Variants in AKAP13 observed in about 807,000 individuals in gnomAD.
AKAP13 encodes the protein A-kinase anchoring protein 13, also known as A-kinase anchor protein 13.
AKAP13 carries 80 observed loss-of-function variants against 264.5 expected under a neutral mutation model. The ratio of observed to expected loss-of-function variants is 0.30; its 90% CI spans 0.25 to 0.36. AKAP13 has a LOEUF of 0.36. Ranked by LOEUF, AKAP13 falls within the 10% of genes least tolerant of loss-of-function variation. The probability of loss-of-function intolerance (pLI) is 1.00; values close to 1 mark genes in which losing one functional copy is unlikely to be tolerated. For synonymous variants in AKAP13, 1,380 were observed against 1,250.2 expected (o/e 1.10, Z -2.19); for missense variants, 3,712 against 3,435.2 (o/e 1.08, Z -2.01).
chr15:85,730,381 G>C (rs1334700539), intron 29 of AKAP13, 132 bp from the exon 30 acceptor site: 2 of 817,938 alleles, frequency 2.4e-6, no homozygotes, highest in African/African-American at 3.4e-5. Flanking sequence ...AAAAAGAAAA[G>C]GCAGTGTGGG....
At chr15:85,414,494 G>T (rs149554280) in intron 1 of AKAP13, among the ~76,000 whole-genome samples, 1 of 152,210 alleles carries the variant, frequency 6.6e-6, no homozygotes, top group African/African-American at 2.4e-5. Context: ...AAAAATGAGG[G>T]GTAGTGAGAT....
chr15:85,741,482 G>A lies in AKAP13; in HGVS notation c.8045G>A (p.Arg2682Gln), dbSNP rs772008595. The A allele has an allele frequency of 8.8e-6, 14 of 1,592,778 alleles. No homozygotes were observed. Among genetic ancestry groups the A allele is most frequent in the East Asian group, 2.3e-5 (1 of 44,404 alleles). The change falls in exon 35 of 37, where the codon CGG becomes CAG. Residue 2682 changes from arginine (R) to glutamine (Q), a missense_variant. Arg to Gln is a conservative substitution (Grantham distance 43, BLOSUM62 1). This residue lies in a region of AKAP13 where 611 missense variants were observed against 539.3 expected (regional missense o/e 1.13). Coordinates refer to ENST00000394518, the MANE Select transcript of AKAP13 (RefSeq NM_007200.5). ...CGGCTCAGCCAGCGGCAGACAGAAC[G>A]GGACCTGTGTCAGGTAATGGGACTC... Reference protein sequence around the residue: ...AERLSQRQTERDLCQVSHPHT... With the variant: ...AERLSQRQTEQDLCQVSHPHT...
In AKAP13 at chr15:85,748,877, C is replaced by G. The variant is rs1235590069; in HGVS notation, c.*4200C>G. ...GGCTTCTGCAGGAAGCACTCACCCC[C>G]CACACCTTCCCCGGCCTGAGCTTCC... On this transcript the variant is annotated 3_prime_UTR_variant, in exon 37 of 37. Coordinates refer to ENST00000394518, the MANE Select transcript of AKAP13 (RefSeq NM_007200.5). 2.0e-5 allele frequency: 3 copies of G among 152,512 alleles called. No homozygotes were observed. Among genetic ancestry groups the G allele is most frequent in the Non-Finnish European group, 2.9e-5 (2 of 68,250 alleles). The allele number at this position is 152,512 out of a possible 1,614,324, so 9.4% of individuals were successfully genotyped here.
chr15:85,381,285 C>T (rs759789218), intron 1 of AKAP13, among the ~76,000 whole-genome samples: 1 of 152,092 alleles, frequency 6.6e-6, no homozygotes, highest in African/African-American at 2.4e-5. Flanking sequence ...GGGAGCGGCT[C>T]CCCGGGGTCG....
chr15:85,615,892 T>A (rs780218576), intron 8 of AKAP13, among the ~76,000 whole-genome samples: 7 of 152,210 alleles, frequency 4.6e-5, no homozygotes, highest in Admixed American at 3.9e-4. Flanking sequence ...ATTTTTCCAT[T>A]CTGGAAATCT....
rs891158213 is a variant in AKAP13, at chr15:85,533,653, T to C, written c.251T>C (p.Val84Ala). 1.2e-6 allele frequency: 2 copies of C among 1,614,062 alleles called. No individual in the cohort carries two copies. The highest frequency in any genetic ancestry group is 2.7e-5 in the African/African-American group (2 of 74,936). The part of the protein sequence containing the change: ...ASKEGLPVFV[V>A]AEEDFHFVQD... ...AAAGAGGGCCTTCCCGTGTTTGTGG[T>C]GGCTGAAGAAGACTTTCATTTCGTC... Residue 84 changes from valine (V) to alanine (A), a missense_variant, in exon 4 of 37, where the codon GTG (valine) becomes GCG (alanine). Val to Ala is a moderately conservative substitution (Grantham distance 64). Coordinates refer to ENST00000394518, the MANE Select transcript of AKAP13 (RefSeq NM_007200.5).
intron 1 of AKAP13, among the ~76,000 whole-genome samples, chr15:85,449,857 G>A (rs1254172124): frequency 6.6e-6 from 1 of 152,140 alleles, no homozygotes; most frequent in Non-Finnish European, 1.5e-5. Flanking sequence ...TATTCATCAA[G>A]GATATTGGCC....
At chr15:85,468,934 A>ATTTTT (rs1555432706) in intron 1 of AKAP13, among the ~76,000 whole-genome samples, 8 of 96,124 alleles carry the variant, frequency 8.3e-5, no homozygotes, top group Non-Finnish European at 1.6e-4. Flanking sequence ...TTTTTTTTTA[A>ATTTTT]TCAGACTTTT....
intron 1 of AKAP13, among the ~76,000 whole-genome samples, chr15:85,485,502 C>G (rs1013050490): frequency 2.6e-5 from 4 of 152,118 alleles, no homozygotes; most frequent in African/African-American, 7.2e-5. Context: ...TCTTTCTTCC[C>G]CACTTGAAAA....
intron 1 of AKAP13, among the ~76,000 whole-genome samples, chr15:85,462,216 G>T (rs541379989): frequency 6.6e-6 from 1 of 152,264 alleles, no homozygotes; most frequent in Admixed American, 6.5e-5. Context: ...GCCTTCAGTG[G>T]TTATGACTTG....
In AKAP13 at chr15:85,718,258, G is replaced by A. The variant is rs2087069673; in HGVS notation, c.6001+99G>A. On this transcript the variant is annotated intron_variant, in intron 22 of 36. Transcript: ENST00000394518. This position sits in a 1 kb window ranked among gnomAD's most constrained non-coding sequence, Gnocchi z 4.9. The stretch of plus-strand genomic sequence containing the variant: ...CTATGAAAAATCAGTTTTTTAGTAT[G>A]TGGCTTCTTGAAAAGATTTCCTTTA... The A allele has an allele frequency of 7.2e-7, 1 of 1,396,284 alleles. No homozygotes were observed. Among genetic ancestry groups the A allele is most frequent in the African/African-American group, 1.4e-5 (1 of 69,020 alleles). 86.5% of individuals were successfully genotyped at this position (1,396,284 alleles called of 1,614,324 possible). A position where few individuals can be genotyped will look rare whatever the true frequency, so the allele number is the denominator to read the frequency against.
At chr15:85,589,632 G>T (rs1455001394) in intron 8 of AKAP13, among the ~76,000 whole-genome samples, 1 of 144,548 alleles carries the variant, frequency 6.9e-6, no homozygotes, top group Non-Finnish European at 1.5e-5. Flanking sequence ...GCCAGAAATT[G>T]CTTGACCCGG....
intron 1 of AKAP13, among the ~76,000 whole-genome samples, chr15:85,463,095 A>G (rs919918669): frequency 5.3e-5 from 8 of 151,952 alleles, no homozygotes; most frequent in African/African-American, 1.9e-4. Context: ...GATGACAGAA[A>G]AAAATCATCG....
chr15:85,657,664 C>A (rs2083161169), intron 11 of AKAP13, among the ~76,000 whole-genome samples: 2 of 149,468 alleles, frequency 1.3e-5, no homozygotes, highest in African/African-American at 4.9e-5. Context: ...GTTTGAGACC[C>A]TAGATTTTAT....
At chr15:85,509,099 T>A (rs1431265301) in intron 2 of AKAP13, among the ~76,000 whole-genome samples, 4 of 152,210 alleles carry the variant, frequency 2.6e-5, no homozygotes, top group Non-Finnish European at 1.5e-5. Flanking sequence ...CTTTCATGTT[T>A]GAGGCCTAGT....
chr15:85,438,797 C>T (rs1224361716), intron 1 of AKAP13, among the ~76,000 whole-genome samples: 1 of 151,986 alleles, frequency 6.6e-6, no homozygotes, highest in African/African-American at 2.4e-5. Flanking sequence ...CCCTTCCTTA[C>T]ACCTTATACA....
chr15:85,669,611 G>A (rs943687536), intron 13 of AKAP13, 111 bp from the exon 14 acceptor site: 14 of 729,816 alleles, frequency 1.9e-5, no homozygotes, highest in Admixed American at 1.9e-4. Context: ...GCTCTCACCC[G>A]CTTCTTCACT....
chr15:85,415,245 C>G (rs1487493452), intron 1 of AKAP13: 59 of 1,564,162 alleles, frequency 3.8e-5, no homozygotes, highest in Non-Finnish European at 4.6e-5. Context: ...AGTTCAGCAG[C>G]TGGAAGGAAG....
rs780556811 is a variant in AKAP13 at position 85,743,819 on chromosome 15, C to T, written c.8386C>T (p.Pro2796Ser). 1 of 1,608,464 alleles carries T rather than the reference C, an allele frequency of 6.2e-7. No individual in the cohort carries two copies. ...KKKNKTSRSQ[P>S]GDGPASEVSA... ...GAAGAACAAAACCAGCCGCTCTCAG[C>T]CCGGTGGTGAGTCACGCACACCTGC... Residue 2796 changes from proline to serine, a missense_variant, in exon 36 of 37, where the codon CCC (proline) becomes TCC (serine). Around this residue, in one of 3 missense-constraint regions of AKAP13, gnomAD observed 611 missense variants for 539.3 expected, o/e 1.13. Coordinates refer to ENST00000394518, the MANE Select transcript of AKAP13 (RefSeq NM_007200.5).
Sources: allele counts gnomAD v4.1 joint callset (sites outside exome capture counted in the v4.1 genomes callset), GRCh38; gene constraint gnomAD v4.1.1; regional missense constraint gnomAD v4.1.1; non-coding constraint Gnocchi (gnomAD v3.1); transcripts MANE v1.5; gene names NCBI Gene and HGNC (gene_info 2026-07-23, HGNC 2026-07-21).